The following PATJ variants were observed in gnomAD, a reference collection of about 807,000 sequenced individuals.
PATJ encodes inaD-like protein.
PATJ carries 190 observed loss-of-function variants against 224.9 expected under a neutral mutation model. The ratio of observed to expected loss-of-function variants is 0.84; its 90% CI spans 0.75 to 0.95. The LOEUF (loss-of-function observed/expected upper bound fraction) is 0.95. Ranked by LOEUF, PATJ falls within the 40% of genes least tolerant of loss-of-function variation. The probability of loss-of-function intolerance (pLI) is 0.00; values close to 1 mark genes in which losing one functional copy is unlikely to be tolerated. For missense variants in PATJ, 2,121 were observed against 2,270.3 expected (o/e 0.93, Z 1.34); for synonymous variants, 769 against 820.3 (o/e 0.94, Z 1.07).
At chr1:62,147,327 T>C (rs1056297043) in intron 41 of PATJ, among the ~76,000 whole-genome samples, 1 of 152,002 alleles carries the variant, frequency 6.6e-6, no homozygotes, top group Non-Finnish European at 1.5e-5. Flanking sequence ...AACTAGTGAA[T>C]TGTGGTGTCA....
intron 33 of PATJ, among the ~76,000 whole-genome samples, chr1:62,089,107 C>G (rs1294337860): frequency 1.3e-5 from 2 of 151,874 alleles, no homozygotes; most frequent in Non-Finnish European, 2.9e-5. Context: ...AATAGATTTC[C>G]CATAGGAAAT....
intron 33 of PATJ, among the ~76,000 whole-genome samples, chr1:62,096,040 C>A (rs986064964): frequency 2.0e-5 from 3 of 151,996 alleles, no homozygotes; most frequent in African/African-American, 7.3e-5. Flanking sequence ...GACAGAACCC[C>A]AGAACTATGC....
intron 21 of PATJ, among the ~76,000 whole-genome samples, chr1:61,883,698 G>A (rs1196280546): frequency 6.7e-6 from 1 of 148,306 alleles, no homozygotes; most frequent in Non-Finnish European, 1.5e-5. Context: ...GGAGGTTGCA[G>A]TGAGTCAAGA....
chr1:61,980,437 TTGTGTGTGTGTGTGTGTGTG>T (rs148389720), intron 27 of PATJ, among the ~76,000 whole-genome samples: 5 of 129,648 alleles, frequency 3.9e-5, no homozygotes, highest in African/African-American at 9.1e-5. Flanking sequence ...CTTATATAAT[TTGTGTGTGTGTGTGTGTGTG>T]TGTGTGTGTG....
At chr1:62,048,402 T>A (rs1570317147) in intron 30 of PATJ, among the ~76,000 whole-genome samples, 1 of 151,336 alleles carries the variant, frequency 6.6e-6, no homozygotes, top group African/African-American at 2.4e-5. Flanking sequence ...AAAAATTAGC[T>A]GGGCCTGGTG....
At chr1:61,793,631 G>A (rs1052950133) in intron 9 of PATJ, among the ~76,000 whole-genome samples, 21 of 150,786 alleles carry the variant, frequency 1.4e-4, no homozygotes, top group African/African-American at 4.1e-4. Context: ...AGGTGGGATC[G>A]CTTGAACTGG....
chr1:61,791,392 A>T lies in PATJ; in HGVS notation c.1113A>T (p.Lys371Asn), dbSNP rs764824955. Reference protein sequence around the residue: ...FETYNVELVRKDGQSLGIRIV... With the variant: ...FETYNVELVRNDGQSLGIRIV... ...CTTATAATGTTGAGCTTGTGAGAAA[A>T]GATGGGCAGAGTCTTGGAATTAGAA... is the stretch of plus-strand genomic sequence containing the variant. The change falls in exon 9 of 44, where the codon AAA (lysine) becomes AAT (asparagine). Residue 371 changes from lysine to asparagine, a missense_variant. Physicochemically the swap from Lys to Asn is moderately conservative, Grantham distance 94. Transcript: ENST00000642238. The T allele has an allele frequency of 4.5e-5, 72 of 1,612,296 alleles. No individual in the cohort carries two copies. Among genetic ancestry groups the T allele is most frequent in the Non-Finnish European group, 5.9e-5 (70 of 1,178,630 alleles).
chr1:61,971,672 G>C (rs1340033465), intron 27 of PATJ, among the ~76,000 whole-genome samples: 2 of 151,810 alleles, frequency 1.3e-5, no homozygotes, highest in South Asian at 4.2e-4. Context: ...GGGTGAAGCT[G>C]TTAAAAGAAA....
intron 35 of PATJ, among the ~76,000 whole-genome samples, chr1:62,116,031 A>G (rs1325263174): frequency 2.0e-5 from 3 of 152,176 alleles, no homozygotes; most frequent in Non-Finnish European, 4.4e-5. Context: ...GTTTTGACAC[A>G]TGCGTATACC....
At chr1:61,890,504 T>C (rs1356311286) in intron 22 of PATJ, among the ~76,000 whole-genome samples, 1 of 151,972 alleles carries the variant, frequency 6.6e-6, no homozygotes, top group Non-Finnish European at 1.5e-5. Flanking sequence ...TTTTTTTCCT[T>C]CTTCTTCTTT....
chr1:61,944,180 G>A (rs997596294), intron 27 of PATJ, among the ~76,000 whole-genome samples: 5 of 152,152 alleles, frequency 3.3e-5, no homozygotes, highest in Non-Finnish European at 5.9e-5. Context: ...CCAAAGAAAC[G>A]CAGCTCCTCA....
intron 17 of PATJ, among the ~76,000 whole-genome samples, chr1:61,854,895 A>G (rs1196680619): frequency 2.0e-5 from 3 of 152,370 alleles, no homozygotes; most frequent in Non-Finnish European, 4.4e-5. Flanking sequence ...GGCTCTCCCA[A>G]CGGGTGAAAG....
At chr1:61,770,828 T>C (rs1360273208) in intron 5 of PATJ, among the ~76,000 whole-genome samples, 1 of 151,390 alleles carries the variant, frequency 6.6e-6, no homozygotes, top group African/African-American at 2.4e-5. Context: ...GAGAATCACC[T>C]GAGCCTGGGA....
chr1:62,135,408 C>T lies in PATJ; in HGVS notation c.5271+6463C>T, dbSNP rs566007770. The stretch of plus-strand genomic sequence containing the variant: ...ATGCATACCTGTAATCCCAGCTACT[C>T]AGGAGGCTGAGGCAGGAGAATTGCT... On this transcript the variant is annotated intron_variant, in intron 41 of 43. Coordinates refer to ENST00000642238, the MANE Select transcript of PATJ (RefSeq NM_001350145.3). Among the ~76,000 whole-genome samples, 20 of 150,052 alleles carry T rather than the reference C, an allele frequency of 1.3e-4. No individual in the cohort carries two copies. In the South Asian group the frequency reaches 4.2e-3, roughly 32 times the overall value.
At chr1:62,148,263 T>G (rs762052826) in intron 41 of PATJ, 21 bp from the exon 42 acceptor site, 9 of 1,548,176 alleles carry the variant, frequency 5.8e-6, no homozygotes, top group African/African-American at 1.4e-5. Flanking sequence ...ATGAAATACC[T>G]TTTTTTCACT....
chr1:62,120,113 G>A (rs547798126), intron 37 of PATJ, among the ~76,000 whole-genome samples: 1 of 152,162 alleles, frequency 6.6e-6, no homozygotes, highest in African/African-American at 2.4e-5. Flanking sequence ...TCCTTTAAAT[G>A]TATATAGCCA....
intron 17 of PATJ, chr1:61,852,692 A>G (rs867722264): frequency 6.6e-6 from 1 of 152,158 alleles, no homozygotes; most frequent in African/African-American, 2.4e-5. Flanking sequence ...CATGCACATA[A>G]TATCATAGAT....
At chr1:61,858,408 C>G (rs1193210875) in intron 18 of PATJ, among the ~76,000 whole-genome samples, 2 of 152,166 alleles carry the variant, frequency 1.3e-5, no homozygotes, top group Non-Finnish European at 1.5e-5. Flanking sequence ...ACTTCAGGCG[C>G]TCACCACCAC....
At chr1:62,116,939 C>T (rs966501132) in intron 36 of PATJ, among the ~76,000 whole-genome samples, 193 bp from the exon 37 acceptor site, 1 of 152,172 alleles carries the variant, frequency 6.6e-6, no homozygotes, top group Non-Finnish European at 1.5e-5. Context: ...AAGTATCCAT[C>T]ACTGTTCTTT....
Sources: gnomAD v4.1 joint callset for allele counts (sites outside exome capture counted in the v4.1 genomes callset) on GRCh38, gnomAD v4.1.1 for gene constraint, MANE v1.5 for transcripts, NCBI Gene and HGNC (gene_info 2026-07-23, HGNC 2026-07-21) for gene names.